Variants in CES5A observed in about 807,000 individuals in gnomAD.
CES5A encodes the protein carboxylesterase 5A.
CES5A carries 67 observed loss-of-function variants against 62.9 expected under a neutral mutation model. The ratio of observed to expected loss-of-function variants is 1.07; its 90% confidence interval spans 0.88 to 1.31. The LOEUF is 1.31. Among genes scored for constraint, CES5A ranks in the 50% most tolerant of loss-of-function variants. The probability of loss-of-function intolerance (pLI) is 0.00; values close to 1 mark genes in which losing one functional copy is unlikely to be tolerated. For missense variants in CES5A, 748 were observed against 708.5 expected (o/e 1.06, Z -0.63); for synonymous variants, 296 against 280.8 (o/e 1.05, Z -0.54).
chr16:55,855,968 G>C (rs2033235455), intron 9 of CES5A, among the ~76,000 whole-genome samples: 1 of 152,086 alleles, frequency 6.6e-6, no homozygotes, highest in Admixed American at 6.5e-5. Flanking sequence ...TCTCATGATA[G>C]AGTTCTCATG....
chr16:55,875,105 C>T lies in CES5A; in HGVS notation c.73+44G>A, dbSNP rs781416067. The stretch of plus-strand genomic sequence containing the variant: ...TTTCTACCAGTGGAAAATCCTCACC[C>T]ACCCCATCTTCTGAGAGCCCTCCTT... On this transcript the variant is annotated intron_variant, in intron 1 of 12. Transcript: ENST00000290567. 2.2e-5 allele frequency: 34 copies of T among 1,580,486 alleles called. No homozygotes were observed. The East Asian group carries it at 7.2e-4, about 33-fold the overall frequency.
chr16:55,936,117 C>T (rs2034371951), intron 2 of CES5A, among the ~76,000 whole-genome samples: 1 of 152,160 alleles, frequency 6.6e-6, no homozygotes, highest in South Asian at 2.1e-4. Flanking sequence ...AACTCTCACT[C>T]CTCCTTGGAT....
intron 2 of CES5A, among the ~76,000 whole-genome samples, chr16:55,931,101 T>C (rs761114161): frequency 1.3e-5 from 2 of 152,184 alleles, no homozygotes; most frequent in Admixed American, 6.5e-5. Context: ...CATACAGTAA[T>C]TAGTGACAGA....
chr16:55,926,453 AAG>A (rs1443479513), upstream of CES5A, among the ~76,000 whole-genome samples: 4 of 152,208 alleles, frequency 2.6e-5, no homozygotes, highest in African/African-American at 9.6e-5. Context: ...TCCATCCCTA[AAG>A]AACTGAGGGT....
chr16:55,922,023 T>C (rs745312064), intron 1 of CES5A, among the ~76,000 whole-genome samples: 8 of 151,732 alleles, frequency 5.3e-5, no homozygotes, highest in African/African-American at 1.9e-4. Flanking sequence ...GTAACCACAA[T>C]GTAAAAACTT....
At chr16:55,907,937 C>T (rs2034054903) in intron 1 of CES5A, among the ~76,000 whole-genome samples, 1 of 152,194 alleles carries the variant, frequency 6.6e-6, no homozygotes, top group Non-Finnish European at 1.5e-5. Flanking sequence ...TTCCCTCTTT[C>T]TGTCCCACTC....
At chr16:55,940,409 CAT>C (rs1201290905) in intron 2 of CES5A, among the ~76,000 whole-genome samples, 1 of 151,906 alleles carries the variant, frequency 6.6e-6, no homozygotes, top group Non-Finnish European at 1.5e-5. Context: ...AAACATAATA[CAT>C]ATAAATTCAA....
At chr16:55,861,573 G>A in intron 6 of CES5A, 57 bp from the exon 7 acceptor site, 1 of 1,294,084 alleles carries the variant, frequency 7.7e-7, no homozygotes. Context: ...CTAGGAAAAT[G>A]AAAGCTTGAA....
intron 2 of CES5A, among the ~76,000 whole-genome samples, chr16:55,934,207 ATAAT>A (rs1286913127): frequency 6.6e-6 from 1 of 152,138 alleles, no homozygotes; most frequent in African/African-American, 2.4e-5. Context: ...AATGTATTGT[ATAAT>A]TAATTATTTG....
At chr16:55,847,500 G>T (rs551402300) in intron 11 of CES5A, among the ~76,000 whole-genome samples, 3 of 152,186 alleles carry the variant, frequency 2.0e-5, no homozygotes, top group East Asian at 3.9e-4. Flanking sequence ...AATATCCAAT[G>T]AAAATGTTTC....
At chr16:55,933,300 C>G (rs1479478847) in intron 2 of CES5A, among the ~76,000 whole-genome samples, 1 of 152,212 alleles carries the variant, frequency 6.6e-6, no homozygotes, top group East Asian at 1.9e-4. Context: ...TGGGATATCT[C>G]ATAAGCACTT....
chr16:55,947,464 T>C (rs7199506), intron 2 of CES5A, among the ~76,000 whole-genome samples: 46,955 of 152,060 alleles, frequency 0.31, 7,460 homozygotes, highest in Non-Finnish European at 0.33. Context: ...CTGTGCTAAG[T>C]ACTGTTCTGG....
chr16:55,848,088 A>AT (rs1281983719), intron 11 of CES5A, among the ~76,000 whole-genome samples: 36 of 150,786 alleles, frequency 2.4e-4, no homozygotes, highest in South Asian at 8.4e-4. Flanking sequence ...GACTACACAC[A>AT]TTTTTTTTTA....
intron 4 of CES5A, among the ~76,000 whole-genome samples, chr16:55,867,522 T>C (rs1222583093): frequency 1.3e-5 from 2 of 152,172 alleles, no homozygotes; most frequent in African/African-American, 2.4e-5. Context: ...TCCCCTCCAC[T>C]GTCTATGACC....
intron 5 of CES5A, 53 bp from the exon 6 acceptor site, chr16:55,863,505 T>G: frequency 1.1e-6 from 1 of 886,706 alleles, no homozygotes; most frequent in Non-Finnish European, 1.9e-6. Context: ...CCAACACACA[T>G]ACCATTCATC....
chr16:55,855,786 C>T lies in CES5A; in HGVS notation c.1125+591G>A, dbSNP rs117406302. On this transcript the variant is annotated intron_variant, in intron 9 of 12. Transcript: ENST00000290567. ...CTGGGTTTTTGGAGCTCTTCCAGGTCGGGGATTGTGGATTGGGTTTGTGGG... is the reference window on the plus strand; with the variant it reads ...CTGGGTTTTTGGAGCTCTTCCAGGTTGGGGATTGTGGATTGGGTTTGTGGG... Among the ~76,000 whole-genome samples the T allele has an allele frequency of 9.6e-4, 146 of 152,164 alleles. 1 individual carries two copies. In the East Asian group the frequency reaches 0.026, roughly 27 times the overall value.
chr16:55,871,764 C>T lies in CES5A; in HGVS notation c.279-1G>A, dbSNP rs72810507. ...CAGCCACTCTGAGTTCTGGAGGCAC[C>T]TTGGAGAAGGAGAGGAGAAAACCCT... On this transcript the variant is annotated splice_acceptor_variant, in intron 2 of 12. Coordinates refer to ENST00000290567, the MANE Select transcript of CES5A (RefSeq NM_001143685.2). LOFTEE classifies it high-confidence loss of function. 161,014 of 1,613,362 alleles carry T rather than the reference C, an allele frequency of 0.1. 8,993 individuals carry two copies. The highest frequency in any genetic ancestry group is 0.11 in the Non-Finnish European group (128,369 of 1,179,444).
At chr16:55,896,587 T>A (rs1461486172) in intron 1 of CES5A, among the ~76,000 whole-genome samples, 1 of 152,202 alleles carries the variant, frequency 6.6e-6, no homozygotes. Flanking sequence ...TAAGACATCA[T>A]CAGAGGGATG....
intron 1 of CES5A, among the ~76,000 whole-genome samples, chr16:55,888,128 C>G (rs759737811): frequency 7.9e-5 from 12 of 152,096 alleles, no homozygotes. Context: ...GTCCTGCCAG[C>G]CCAACTCCTT....
Sources: gnomAD v4.1 joint callset for allele counts (sites outside exome capture counted in the v4.1 genomes callset) on GRCh38, gnomAD v4.1.1 for gene constraint, MANE v1.5 for transcripts, NCBI Gene and HGNC (gene_info 2026-07-23, HGNC 2026-07-21) for gene names.